Variants in C12orf42 observed in about 807,000 individuals in gnomAD.
C12orf42 encodes the protein uncharacterized protein C12orf42.
A neutral mutation model predicts 21.6 loss-of-function variants in C12orf42; 25 were observed. That is an observed-to-expected ratio of 1.16 (90% confidence interval 0.84 to 1.62). C12orf42 has a LOEUF of 1.62. C12orf42 is among the 40% of genes most tolerant of loss of function. The pLI is 0.00. For missense variants in C12orf42, 483 were observed against 459.3 expected (o/e 1.05, Z -0.47); for synonymous variants, 174 against 175.0 (o/e 0.99, Z 0.05).
intron 4 of C12orf42, among the ~76,000 whole-genome samples, chr12:103,277,782 G>A (rs1276523132): frequency 7.2e-5 from 11 of 151,932 alleles, no homozygotes; most frequent in Admixed American, 7.2e-4. Flanking sequence ...AAAACGCCCG[G>A]CTAATTTTTT....
chr12:103,069,497 A>T, the C12orf42 span, among the ~76,000 whole-genome samples: 1 of 152,004 alleles, frequency 6.6e-6, no homozygotes, highest in Non-Finnish European at 1.5e-5. Flanking sequence ...TCTAATACAA[A>T]CTCTAGTTAT....
chr12:103,391,626 G>T (rs1485783036), intron 3 of C12orf42, among the ~76,000 whole-genome samples: 1 of 151,484 alleles, frequency 6.6e-6, no homozygotes, highest in African/African-American at 2.4e-5. Context: ...TGTTGGTGAT[G>T]ATGACTTTTA....
At chr12:103,261,431 G>A (rs984659576) in intron 10 of C12orf42, among the ~76,000 whole-genome samples, 8 of 147,472 alleles carry the variant, frequency 5.4e-5, no homozygotes, top group Admixed American at 3.4e-4. Context: ...GCAGTGAGCC[G>A]AGATCGTGCC....
chr12:103,051,589 G>A, the C12orf42 span, among the ~76,000 whole-genome samples: 1 of 152,174 alleles, frequency 6.6e-6, no homozygotes, highest in Non-Finnish European at 1.5e-5. Context: ...CCAAAGGAGA[G>A]CAGCCAAAAC....
intron 4 of C12orf42, among the ~76,000 whole-genome samples, chr12:103,292,187 T>C (rs2036868292): frequency 2.0e-5 from 3 of 152,152 alleles, no homozygotes; most frequent in African/African-American, 7.2e-5. Context: ...TATTATATGA[T>C]TTCATTCATA....
chr12:103,089,415 A>G, the C12orf42 span, among the ~76,000 whole-genome samples: 1 of 152,222 alleles, frequency 6.6e-6, no homozygotes, highest in Admixed American at 6.5e-5. Flanking sequence ...TCAGCCTAGA[A>G]CACTTAGGAA....
At chr12:103,555,029 G>T in the C12orf42 span, among the ~76,000 whole-genome samples, 1 of 152,174 alleles carries the variant, frequency 6.6e-6, no homozygotes, top group Non-Finnish European at 1.5e-5. Flanking sequence ...GCTTCACCCT[G>T]CAGGGAATCT....
the C12orf42 span, among the ~76,000 whole-genome samples, chr12:103,506,359 G>A: frequency 7.0e-4 from 98 of 140,906 alleles, no homozygotes; most frequent in African/African-American, 2.2e-3. Flanking sequence ...CAGTCACTGC[G>A]GAGCTAAATT....
Position 103,302,052 on chromosome 12 carries a change from G to C in C12orf42, c.*56C>G. 6.5e-7 allele frequency: 1 copy of C among 1,542,060 alleles called. No homozygotes were observed. Among genetic ancestry groups the C allele is most frequent in the East Asian group, 2.3e-5 (1 of 44,422 alleles). ...CATCTGAGGCCCTTTCTGTTGTTCTGAGCAGGCATTGATTTGAAGATGGGC... is the reference window on the plus strand; with the variant it reads ...CATCTGAGGCCCTTTCTGTTGTTCTCAGCAGGCATTGATTTGAAGATGGGC... On this transcript the variant is annotated 3_prime_UTR_variant, in exon 6 of 6. Transcript: ENST00000548883.
chr12:103,514,707 C>T, the C12orf42 span, among the ~76,000 whole-genome samples: 2 of 152,214 alleles, frequency 1.3e-5, no homozygotes, highest in East Asian at 1.9e-4. Context: ...GGGGCAAGAA[C>T]CAAAGCTGAG....
intron 5 of C12orf42, 117 bp from the exon 6 acceptor site, chr12:103,302,676 G>GAAAAAA: frequency 3.5e-6 from 2 of 570,594 alleles, no homozygotes; most frequent in South Asian, 4.5e-5. Flanking sequence ...GCTCAGAGGG[G>GAAAAAA]AAAGAAAAAA....
chr12:103,512,263 T>C, the C12orf42 span, among the ~76,000 whole-genome samples: 2 of 151,780 alleles, frequency 1.3e-5, no homozygotes, highest in Non-Finnish European at 2.9e-5. Flanking sequence ...ATTAATTCCA[T>C]GGAGGTGGAC....
At chr12:103,242,293 C>T (rs913978136) in intron 10 of C12orf42, among the ~76,000 whole-genome samples, 5 of 152,112 alleles carry the variant, frequency 3.3e-5, no homozygotes, top group African/African-American at 1.2e-4. Flanking sequence ...TGTGTTTGAC[C>T]TAAATTTATT....
At chr12:103,522,697 G>T in the C12orf42 span, among the ~76,000 whole-genome samples, 1 of 152,326 alleles carries the variant, frequency 6.6e-6, no homozygotes, top group East Asian at 1.9e-4. Flanking sequence ...CAACAGGATT[G>T]TGTTCCTATT....
chr12:103,392,285 T>C (rs1414185502), intron 3 of C12orf42, among the ~76,000 whole-genome samples: 2 of 152,202 alleles, frequency 1.3e-5, no homozygotes, highest in African/African-American at 2.4e-5. Flanking sequence ...TTTTTCAAGA[T>C]TGTTTTGGTT....
At chr12:103,562,490 T>G in the C12orf42 span, among the ~76,000 whole-genome samples, 1 of 152,194 alleles carries the variant, frequency 6.6e-6, no homozygotes, top group Non-Finnish European at 1.5e-5. Flanking sequence ...AGAGAAGTCA[T>G]GCAATTTCCC....
intron 1 of C12orf42, among the ~76,000 whole-genome samples, chr12:103,481,033 A>G (rs769360529): frequency 6.6e-6 from 1 of 151,692 alleles, no homozygotes; most frequent in Admixed American, 6.6e-5. Context: ...AGTTCAGTCA[A>G]TTTTTATAAT....
the C12orf42 span, among the ~76,000 whole-genome samples, chr12:103,170,016 G>C: frequency 0.53 from 80,724 of 151,892 alleles, 21,680 homozygotes; most frequent in East Asian, 0.7. Context: ...AAAAGCAACA[G>C]ATCAAAAAAT....
chr12:103,113,592 A>G, the C12orf42 span, among the ~76,000 whole-genome samples: 15 of 151,590 alleles, frequency 9.9e-5, no homozygotes, highest in Non-Finnish European at 1.9e-4. Flanking sequence ...ACTGGCATCT[A>G]GTGGGTAGAG....
Sources: gnomAD v4.1 joint callset for allele counts (sites outside exome capture counted in the v4.1 genomes callset) on GRCh38, gnomAD v4.1.1 for gene constraint, MANE v1.5 for transcripts, NCBI Gene and HGNC (gene_info 2026-07-23, HGNC 2026-07-21) for gene names.